Variants in FBXW8 observed in about 807,000 individuals in gnomAD.
FBXW8 encodes F-box/WD repeat-containing protein 8.
Under a neutral mutation model 65.3 loss-of-function variants are expected in FBXW8, and 57 were observed. The ratio of observed to expected loss-of-function variants is 0.87; its 90% CI spans 0.71 to 1.09. The LOEUF (loss-of-function observed/expected upper bound fraction) is 1.09. FBXW8 is among the 50% of genes least tolerant of loss of function. The pLI, the probability that FBXW8 is intolerant of heterozygous loss-of-function variation, is 0.00. For synonymous variants in FBXW8, 308 were observed against 330.2 expected (o/e 0.93, Z 0.73); for missense variants, 777 against 814.8 (o/e 0.95, Z 0.57).
Position 116,973,303 on chromosome 12 carries a change from C to CA in FBXW8, c.835+8455dup, listed in dbSNP as rs532386106. 2.7e-4 allele frequency among the ~76,000 whole-genome samples: 41 copies of CA among 152,028 alleles called. 1 individual carries two copies. In the South Asian group the frequency reaches 6.2e-3, roughly 23 times the overall value. On this transcript the variant is annotated intron_variant, in intron 5 of 10. Transcript: ENST00000652555. ...CCATCACAGTAATAATTGATTCAGA[C>CA]AAAAAATCAATTGAGGCTAAAACCA...
At chr12:117,015,431 G>A (rs967007180) in intron 8 of FBXW8, among the ~76,000 whole-genome samples, 1 of 152,166 alleles carries the variant, frequency 6.6e-6, no homozygotes, top group East Asian at 1.9e-4. Context: ...AATTAAGTCA[G>A]CACAGTAGTT....
chr12:116,939,445 A>C (rs1468576285), intron 2 of FBXW8, among the ~76,000 whole-genome samples: 3 of 152,234 alleles, frequency 2.0e-5, no homozygotes, highest in African/African-American at 7.2e-5. Flanking sequence ...TTTTGTTTAA[A>C]GCAGTGTTTC....
intron 8 of FBXW8, among the ~76,000 whole-genome samples, chr12:117,017,811 T>G (rs1953990637): frequency 6.6e-6 from 1 of 152,162 alleles, no homozygotes; most frequent in African/African-American, 2.4e-5. Flanking sequence ...TGCCATCAGC[T>G]ACGGTGTTCC....
At chr12:116,918,112 A>C (rs192903694) in intron 1 of FBXW8, among the ~76,000 whole-genome samples, 5 of 152,302 alleles carry the variant, frequency 3.3e-5, no homozygotes, top group African/African-American at 1.2e-4. Context: ...GGAATACCTC[A>C]GTTGGCACCT....
At chr12:117,000,067 C>G (rs1170924307) in intron 7 of FBXW8, among the ~76,000 whole-genome samples, 1 of 151,728 alleles carries the variant, frequency 6.6e-6, no homozygotes, top group Non-Finnish European at 1.5e-5. Context: ...CTGCAAGCTC[C>G]GCCTCCCGGG....
At chr12:116,976,982 A>T (rs1884986784) in intron 5 of FBXW8, among the ~76,000 whole-genome samples, 1 of 152,096 alleles carries the variant, frequency 6.6e-6, no homozygotes. Flanking sequence ...CTTGTGATCC[A>T]CTCTGGGCAC....
chr12:116,932,639 T>G (rs955737565), intron 2 of FBXW8, among the ~76,000 whole-genome samples: 3 of 152,074 alleles, frequency 2.0e-5, no homozygotes, highest in Admixed American at 6.6e-5. Context: ...AGGTTCAAGC[T>G]ATTCTCCTGC....
At chr12:117,020,220 A>G (rs143385589) in intron 8 of FBXW8, among the ~76,000 whole-genome samples, 2 of 152,386 alleles carry the variant, frequency 1.3e-5, no homozygotes, top group East Asian at 3.9e-4. Context: ...AGTTCATGAC[A>G]GCTAAAATGT....
chr12:116,962,686 G>A (rs1049861781), intron 4 of FBXW8, among the ~76,000 whole-genome samples: 6 of 152,136 alleles, frequency 3.9e-5, no homozygotes, highest in Admixed American at 3.9e-4. Context: ...TCTGAAAGAC[G>A]TTGCCATCCT....
intron 8 of FBXW8, among the ~76,000 whole-genome samples, chr12:117,020,426 T>C (rs116636105): frequency 0.011 from 1,692 of 152,340 alleles, 31 homozygotes; most frequent in African/African-American, 0.039. Flanking sequence ...CATCAGCTGT[T>C]AGCTGTCCGC....
Position 117,028,287 on chromosome 12 carries a change from G to C in FBXW8, c.*115G>C. The C allele has an allele frequency of 7.6e-7, 1 of 1,323,696 alleles. No individual in the cohort carries two copies. The highest frequency in any genetic ancestry group is 1.4e-5 in the South Asian group (1 of 71,712). 82.0% of individuals were successfully genotyped at this position (1,323,696 alleles called of 1,614,324 possible). A position where few individuals can be genotyped will look rare whatever the true frequency, so the allele number is the denominator to read the frequency against. On this transcript the variant is annotated 3_prime_UTR_variant, in exon 11 of 11. Coordinates refer to ENST00000652555, the MANE Select transcript of FBXW8 (RefSeq NM_153348.3). The surrounding 1 kb of genome is among the most constrained non-coding windows in gnomAD (Gnocchi z 4.1). ...ACATTTAGGGGAAGAAAGCAGCCCA[G>C]GGTGCCATGCCTGACAGCACGCATC...
At chr12:117,014,738 G>T (rs565814602) in intron 8 of FBXW8, among the ~76,000 whole-genome samples, 1 of 152,304 alleles carries the variant, frequency 6.6e-6, no homozygotes, top group Non-Finnish European at 1.5e-5. Context: ...GTGCCACATG[G>T]GTTGGCAGTG....
At chr12:117,012,009 G>A (rs1359021951) in intron 8 of FBXW8, among the ~76,000 whole-genome samples, 1 of 152,184 alleles carries the variant, frequency 6.6e-6, no homozygotes, top group Admixed American at 6.5e-5. Flanking sequence ...TGGAGGATGT[G>A]TGTAGGTTAT....
At chr12:116,941,006 C>T (rs571431912) in intron 2 of FBXW8, among the ~76,000 whole-genome samples, 8 of 152,306 alleles carry the variant, frequency 5.3e-5, no homozygotes, top group South Asian at 2.1e-4. Context: ...GAAATATGAT[C>T]GCTGTCTTCA....
intron 4 of FBXW8, among the ~76,000 whole-genome samples, chr12:116,962,297 G>A (rs948620165): frequency 1.3e-5 from 2 of 152,146 alleles, no homozygotes; most frequent in African/African-American, 4.8e-5. Flanking sequence ...AGTAAGGAGC[G>A]GGCTCAACAG....
chr12:117,016,787 CAT>C (rs1953959612), intron 8 of FBXW8, among the ~76,000 whole-genome samples: 1 of 152,134 alleles, frequency 6.6e-6, no homozygotes, highest in African/African-American at 2.4e-5. Flanking sequence ...GTCTGTGATC[CAT>C]TTGGAGTTAA....
intron 2 of FBXW8, among the ~76,000 whole-genome samples, chr12:116,944,790 C>G (rs912826086): frequency 6.6e-6 from 1 of 152,178 alleles, no homozygotes; most frequent in Non-Finnish European, 1.5e-5. Flanking sequence ...ATTAATTTTT[C>G]TAGATCTAAT....
rs184957394 is a variant in FBXW8, at chr12:117,022,997, G to C, written c.1368-1150G>C. Among the ~76,000 whole-genome samples, 412 of 152,280 alleles carry C rather than the reference G, an allele frequency of 2.7e-3. 1 individual carries two copies. The highest frequency in any genetic ancestry group is 8.4e-3 in the African/African-American group (351 of 41,540). On this transcript the variant is annotated intron_variant, in intron 8 of 10. Transcript: ENST00000652555. ...ATCTGTCTTCTTGTTCTGGTATTTT[G>C]CTATGCCACTTTCTTTCAGAGAGTA...
intron 8 of FBXW8, among the ~76,000 whole-genome samples, chr12:117,019,563 G>A (rs1954038006): frequency 1.3e-5 from 2 of 152,314 alleles, no homozygotes; most frequent in South Asian, 2.1e-4. Flanking sequence ...CTAAAACGAC[G>A]TGTTGTTCCA....
Sources: allele counts gnomAD v4.1 joint callset (sites outside exome capture counted in the v4.1 genomes callset), GRCh38; gene constraint gnomAD v4.1.1; non-coding constraint Gnocchi (gnomAD v3.1); transcripts MANE v1.5; gene names NCBI Gene and HGNC (gene_info 2026-07-23, HGNC 2026-07-21).